Variants in PRELID2 observed in about 807,000 individuals in gnomAD.
PRELID2 encodes the protein PRELI domain-containing protein 2.
In PRELID2, 25 loss-of-function variants were observed where a neutral mutation model predicts 28.4. That is an observed-to-expected ratio of 0.88 (90% CI 0.64 to 1.23). The LOEUF (loss-of-function observed/expected upper bound fraction) is 1.23, where lower values mean the gene tolerates loss of function less well. PRELID2 is among the 50% of genes most tolerant of loss of function. The pLI, the probability that PRELID2 is intolerant of heterozygous loss-of-function variation, is 0.00. For synonymous variants in PRELID2, 76 were observed against 71.6 expected (o/e 1.06, Z -0.31); for missense variants, 201 against 214.4 (o/e 0.94, Z 0.39).
chr5:145,615,774 G>C, intron 1 of PRELID2, among the ~76,000 whole-genome samples: 1 of 152,186 alleles, frequency 6.6e-6, no homozygotes, highest in East Asian at 1.9e-4. Flanking sequence ...GCTATTTGCT[G>C]TCTGTGTACA....
chr5:145,706,409 T>C (rs779605026), intron 1 of PRELID2, among the ~76,000 whole-genome samples: 14 of 152,204 alleles, frequency 9.2e-5, no homozygotes, highest in Non-Finnish European at 1.8e-4. Flanking sequence ...AACTCCTTTT[T>C]TTAGGACCCA....
At chr5:145,344,673 G>GT in the PRELID2 span, among the ~76,000 whole-genome samples, 1,533 of 151,982 alleles carry the variant, frequency 0.01, 32 homozygotes, top group African/African-American at 0.034. Flanking sequence ...CTTGTAGTGC[G>GT]TGAGAGGGAT....
intron 1 of PRELID2, among the ~76,000 whole-genome samples, chr5:145,751,313 T>C (rs890790585): frequency 6.6e-6 from 1 of 152,180 alleles, no homozygotes; most frequent in African/African-American, 2.4e-5. Context: ...CTGCAGAACA[T>C]GGAAATTTCA....
intron 1 of PRELID2, among the ~76,000 whole-genome samples, chr5:145,725,107 A>G (rs191086180): frequency 7.2e-5 from 11 of 152,242 alleles, no homozygotes; most frequent in Non-Finnish European, 1.6e-4. Context: ...AGTACTTGAA[A>G]TGTCTAAAAT....
intron 1 of PRELID2, among the ~76,000 whole-genome samples, chr5:145,614,086 C>G (rs1237267970): frequency 6.6e-6 from 1 of 152,284 alleles, no homozygotes; most frequent in African/African-American, 2.4e-5. Context: ...GTCCTTTCCC[C>G]ACTTTATGTT....
chr5:145,594,069 T>C (rs66745444), intron 1 of PRELID2, among the ~76,000 whole-genome samples: 3,772 of 152,262 alleles, frequency 0.025, 76 homozygotes, highest in Non-Finnish European at 0.039. Context: ...TTAATTGGGG[T>C]ATTGTTTAGT....
the PRELID2 span, among the ~76,000 whole-genome samples, chr5:145,439,736 C>T: frequency 6.6e-6 from 1 of 152,070 alleles, no homozygotes; most frequent in Non-Finnish European, 1.5e-5. Context: ...CTCCTCCTTT[C>T]CATTTCTACT....
At chr5:145,299,383 C>T in the PRELID2 span, among the ~76,000 whole-genome samples, 1 of 152,068 alleles carries the variant, frequency 6.6e-6, no homozygotes, top group Admixed American at 6.6e-5. Flanking sequence ...ATTGCTATTA[C>T]TCTAATTGTG....
At position 145,481,623 on chromosome 5, in the gene PRELID2, C is replaced by CAAAAAAAAAAAAAAAAAAAAAAAAAAA. The variant is rs70998021; in HGVS notation, n.71-8335_71-8309dup. Among the ~76,000 whole-genome samples, 52 of 41,862 alleles carry CAAAAAAAAAAAAAAAAAAAAAAAAAAA rather than the reference C, an allele frequency of 1.2e-3. 1 individual carries two copies. The highest frequency in any genetic ancestry group is 3.4e-3 in the African/African-American group (29 of 8,456). The allele number at this position is 41,862 out of a possible 152,430, so 27.5% of individuals were successfully genotyped here. ...CTGGGTGATAAGAAAGCAAGGAAATCAAAAAAAAAAAAAAAAAAAAAAAAA... is the reference window on the plus strand; with the variant it reads ...CTGGGTGATAAGAAAGCAAGGAAATCAAAAAAAAAAAAAAAAAAAAAAAAAAAAAAAAAAAAAAAAAAAAAAAAAAAA... On this transcript the variant is annotated intron_variant and non_coding_transcript_variant, in intron 1 of 2. Transcript: ENST00000510259.
chr5:145,416,622 C>T, the PRELID2 span, among the ~76,000 whole-genome samples: 1 of 152,028 alleles, frequency 6.6e-6, no homozygotes, highest in East Asian at 1.9e-4. Context: ...GACAATGTAC[C>T]TGAATCTCTG....
chr5:145,426,515 T>C, the PRELID2 span, among the ~76,000 whole-genome samples: 1 of 152,238 alleles, frequency 6.6e-6, no homozygotes, highest in Non-Finnish European at 1.5e-5. Flanking sequence ...GGGTTATTCA[T>C]TTCTTTACCA....
At position 145,757,083 on chromosome 5, in the gene PRELID2, G is replaced by T. The variant is rs995932986; in HGVS notation, c.*3453C>A. Among the ~76,000 whole-genome samples, 1 of 152,176 alleles carries T rather than the reference G, an allele frequency of 6.6e-6. No individual in the cohort carries two copies. Among genetic ancestry groups the T allele is most frequent in the Admixed American group, 6.5e-5 (1 of 15,278 alleles). On this transcript the variant is annotated 3_prime_UTR_variant, in exon 7 of 7. Transcript: ENST00000683046. ...AATTAAGAAATAGTTTGATGTAAAT[G>T]ATTGAAATAAAGTAAAAAAGATGTG... is the stretch of plus-strand genomic sequence containing the variant.
chr5:145,278,305 A>T, the PRELID2 span, among the ~76,000 whole-genome samples: 4 of 152,186 alleles, frequency 2.6e-5, no homozygotes, highest in African/African-American at 9.7e-5. Flanking sequence ...ATTATGTGAC[A>T]GTTTCTGTAT....
intron 1 of PRELID2, among the ~76,000 whole-genome samples, chr5:145,627,951 C>T (rs376492596): frequency 8.5e-5 from 13 of 152,140 alleles, no homozygotes; most frequent in Non-Finnish European, 1.2e-4. Context: ...TGAAAGTGTG[C>T]CATGCTTCAA....
chr5:145,761,631 T>C (rs35466461), intron 6 of PRELID2, among the ~76,000 whole-genome samples: 16,664 of 152,278 alleles, frequency 0.11, 1,231 homozygotes, highest in Middle Eastern at 0.17. Flanking sequence ...GTAAATATTA[T>C]AGGCTTTGTA....
the PRELID2 span, among the ~76,000 whole-genome samples, chr5:145,343,632 A>G: frequency 1.3e-5 from 2 of 151,872 alleles, no homozygotes; most frequent in African/African-American, 4.8e-5. Context: ...ATCAAACCAT[A>G]CCCAAAATTA....
the PRELID2 span, among the ~76,000 whole-genome samples, chr5:145,310,345 C>T: frequency 0.41 from 61,607 of 151,970 alleles, 13,423 homozygotes; most frequent in African/African-American, 0.57. Context: ...TATCAGACTT[C>T]TGAGTTTTCA....
At chr5:145,713,428 G>GACTTTATATATATACATATATATGTAT (rs1377397257) in intron 1 of PRELID2, among the ~76,000 whole-genome samples, 2 of 138,250 alleles carry the variant, frequency 1.4e-5, no homozygotes, top group African/African-American at 2.7e-5. Context: ...ATATATATCT[G>GACTTTATATATATACATATATATGTAT]ACTTTATATA....
At chr5:145,455,393 G>T in the PRELID2 span, among the ~76,000 whole-genome samples, 1 of 152,048 alleles carries the variant, frequency 6.6e-6, no homozygotes, top group South Asian at 2.1e-4. Flanking sequence ...CTCCAGCTTT[G>T]TTCTTTTTGC....
Sources: gnomAD v4.1 joint callset for allele counts (sites outside exome capture counted in the v4.1 genomes callset) on GRCh38, gnomAD v4.1.1 for gene constraint, MANE v1.5 for transcripts, NCBI Gene and HGNC (gene_info 2026-07-23, HGNC 2026-07-21) for gene names.